AKAP6: variants seen among roughly 807,000 people sequenced by gnomAD.
AKAP6 encodes the protein A-kinase anchor protein 6.
AKAP6 carries 58 observed loss-of-function variants against 188.5 expected under a neutral mutation model. That is an observed-to-expected ratio of 0.31 (90% CI 0.25 to 0.38). AKAP6 has a LOEUF of 0.38. AKAP6 is among the 10% of genes least tolerant of loss of function. The pLI, the probability that AKAP6 is intolerant of heterozygous loss-of-function variation, is 1.00. For synonymous variants in AKAP6, 989 were observed against 998.6 expected, an observed-to-expected ratio of 0.99 and a Z score of 0.18; for missense variants, 2,710 against 2,740.0, an observed-to-expected ratio of 0.99 and a Z score of 0.24.
chr14:32,439,652 T>C (rs1890504081), intron 2 of AKAP6, among the ~76,000 whole-genome samples: 1 of 152,196 alleles, frequency 6.6e-6, no homozygotes, highest in South Asian at 2.1e-4. Flanking sequence ...CTGTGGTGTC[T>C]AGGGTCCATA....
intron 4 of AKAP6, among the ~76,000 whole-genome samples, chr14:32,562,007 A>C (rs886810903): frequency 6.6e-6 from 1 of 152,158 alleles, no homozygotes; most frequent in Non-Finnish European, 1.5e-5. Context: ...AGAATTTTCT[A>C]TCTAAGAATG....
At chr14:32,748,809 C>T in intron 11 of AKAP6, among the ~76,000 whole-genome samples, 1 of 152,140 alleles carries the variant, frequency 6.6e-6, no homozygotes, top group Admixed American at 6.5e-5. Context: ...GCTACTTTTC[C>T]TCTTTTGAGC....
At chr14:32,456,055 G>A (rs1302137264) in intron 2 of AKAP6, among the ~76,000 whole-genome samples, 3 of 151,674 alleles carry the variant, frequency 2.0e-5, no homozygotes, top group Non-Finnish European at 4.4e-5. Flanking sequence ...CGGTGGTAGA[G>A]GAGCATATGT....
intron 1 of AKAP6, among the ~76,000 whole-genome samples, chr14:32,357,393 T>C (rs1440749608): frequency 6.6e-6 from 1 of 152,238 alleles, no homozygotes; most frequent in Non-Finnish European, 1.5e-5. Flanking sequence ...GCCAACCATG[T>C]CTGTTTTAAG....
chr14:32,401,808 A>G (rs1310938165), intron 1 of AKAP6, among the ~76,000 whole-genome samples: 1 of 152,194 alleles, frequency 6.6e-6, no homozygotes, highest in Non-Finnish European at 1.5e-5. Context: ...ACTGTGTTGT[A>G]TTTTTGGTGG....
chr14:32,449,491 C>T (rs1890863472), intron 2 of AKAP6, among the ~76,000 whole-genome samples: 1 of 140,600 alleles, frequency 7.1e-6, no homozygotes, highest in South Asian at 2.2e-4. Context: ...CACTGCACTC[C>T]AGCCTGGGCA....
At chr14:32,616,759 A>G (rs985355357) in intron 7 of AKAP6, among the ~76,000 whole-genome samples, 4 of 152,226 alleles carry the variant, frequency 2.6e-5, no homozygotes, top group African/African-American at 9.6e-5. Flanking sequence ...AAACTAAAAA[A>G]AAATTAGCCT....
At chr14:32,816,601 G>A (rs2034384817) in intron 12 of AKAP6, among the ~76,000 whole-genome samples, 1 of 152,134 alleles carries the variant, frequency 6.6e-6, no homozygotes, top group Non-Finnish European at 1.5e-5. Flanking sequence ...GTTACAGGGT[G>A]CCAAGAAAAG....
At chr14:32,759,445 T>G (rs549118903) in intron 11 of AKAP6, among the ~76,000 whole-genome samples, 2 of 152,282 alleles carry the variant, frequency 1.3e-5, no homozygotes, top group East Asian at 3.9e-4. Flanking sequence ...GGAAGGATGT[T>G]TCAAGACCCA....
At chr14:32,521,537 C>T (rs552428094) in intron 2 of AKAP6, among the ~76,000 whole-genome samples, 2 of 152,248 alleles carry the variant, frequency 1.3e-5, no homozygotes, top group East Asian at 1.9e-4. Context: ...TTCCTATACA[C>T]CACTAACAGA....
intron 2 of AKAP6, among the ~76,000 whole-genome samples, chr14:32,531,369 A>T (rs1447154556): frequency 6.6e-6 from 1 of 152,264 alleles, no homozygotes; most frequent in East Asian, 1.9e-4. Flanking sequence ...AGTGCTGATG[A>T]TCACAGTACC....
rs1434246176 is a variant in AKAP6, at chr14:32,718,402, CA to C, written c.3001-14047del. 4.8e-5 allele frequency: 41 copies of C among 856,956 alleles called. No homozygotes were observed. In the African/African-American group the frequency reaches 6.9e-4, roughly 15 times the overall value. The allele number at this position is 856,956 out of a possible 1,614,324, so 53.1% of individuals were successfully genotyped here. A position where few individuals can be genotyped will look rare whatever the true frequency, so the allele number is the denominator to read the frequency against. On this transcript the variant is annotated intron_variant, in intron 9 of 13. Coordinates refer to ENST00000280979, the MANE Select transcript of AKAP6 (RefSeq NM_004274.5). ...AATATGGGTAGGTACCCAAAAGAAA[CA>C]AAAAGGCCCAAGGGGTCAGGGGATG... is the stretch of plus-strand genomic sequence containing the variant.
At chr14:32,600,242 C>T (rs1349469620) in intron 6 of AKAP6, among the ~76,000 whole-genome samples, 1 of 152,152 alleles carries the variant, frequency 6.6e-6, no homozygotes, top group Non-Finnish European at 1.5e-5. Flanking sequence ...TTGACTTTAC[C>T]TATTTCCATA....
chr14:32,425,830 G>T (rs970392453), intron 1 of AKAP6, among the ~76,000 whole-genome samples: 2 of 152,158 alleles, frequency 1.3e-5, no homozygotes, highest in Non-Finnish European at 2.9e-5. Context: ...TTCTTTTGCT[G>T]TGCAGATGTT....
intron 8 of AKAP6, among the ~76,000 whole-genome samples, chr14:32,681,409 G>C (rs142434675): frequency 6.6e-6 from 1 of 152,134 alleles, no homozygotes; most frequent in Non-Finnish European, 1.5e-5. Context: ...CCTCGACTCA[G>C]CACTCTGGGT....
intron 7 of AKAP6, among the ~76,000 whole-genome samples, chr14:32,627,613 C>T (rs1342088778): frequency 6.6e-6 from 1 of 152,102 alleles, no homozygotes; most frequent in Non-Finnish European, 1.5e-5. Context: ...GGGTTAGTGT[C>T]TCTTCTCTTT....
At chr14:32,644,179 A>T (rs1468458546) in intron 7 of AKAP6, among the ~76,000 whole-genome samples, 1 of 152,216 alleles carries the variant, frequency 6.6e-6, no homozygotes, top group Non-Finnish European at 1.5e-5. Flanking sequence ...CCACAGAATG[A>T]TACAAAGGCA....
chr14:32,602,407 A>T (rs1259958564), intron 7 of AKAP6, among the ~76,000 whole-genome samples: 1 of 152,146 alleles, frequency 6.6e-6, no homozygotes, highest in Non-Finnish European at 1.5e-5. Context: ...AGACAGGAAG[A>T]TTGCTTCAGC....
chr14:32,760,920 T>C (rs146977021), intron 11 of AKAP6, among the ~76,000 whole-genome samples: 2 of 152,322 alleles, frequency 1.3e-5, no homozygotes, highest in Admixed American at 1.3e-4. Context: ...TTTGCTGTTA[T>C]GTATTGGTTA....
Sources: allele counts gnomAD v4.1 joint callset (sites outside exome capture counted in the v4.1 genomes callset), GRCh38; gene constraint gnomAD v4.1.1; transcripts MANE v1.5; gene names NCBI Gene and HGNC (gene_info 2026-07-23, HGNC 2026-07-21).